SMIM36: variants seen among roughly 807,000 people sequenced by gnomAD.
SMIM36 encodes small integral membrane protein 36.
intron 4 of SMIM36, among the ~76,000 whole-genome samples, chr17:55,464,421 T>A (rs937247918): frequency 2.0e-5 from 3 of 152,162 alleles, no homozygotes; most frequent in Non-Finnish European, 2.9e-5. Flanking sequence ...GGCATGTTAA[T>A]TCCACTTGTA....
intron 1 of SMIM36, among the ~76,000 whole-genome samples, 170 bp downstream of exon 1, chr17:55,510,709 G>GCACACACA (rs10639655): frequency 6.6e-6 from 1 of 150,738 alleles, no homozygotes; most frequent in African/African-American, 2.4e-5. Flanking sequence ...ACGTGCACGT[G>GCACACACA]CACACACACA....
At chr17:55,466,177 T>C (rs1232393413) in intron 4 of SMIM36, among the ~76,000 whole-genome samples, 1 of 146,044 alleles carries the variant, frequency 6.8e-6, no homozygotes, top group Non-Finnish European at 1.5e-5. Context: ...CTAGGGAGGC[T>C]GAGGTAGGAG....
chr17:55,495,853 T>A (rs1162638914), intron 1 of SMIM36, among the ~76,000 whole-genome samples: 3 of 152,028 alleles, frequency 2.0e-5, no homozygotes, highest in Non-Finnish European at 4.4e-5. Flanking sequence ...GAATATAAAG[T>A]CTAAGAGCAG....
intron 1 of SMIM36, among the ~76,000 whole-genome samples, chr17:55,498,520 T>TCA (rs1458626819): frequency 7.9e-5 from 12 of 152,140 alleles, no homozygotes. Flanking sequence ...TTTTGAAATA[T>TCA]CACAATATGC....
exon 5 of SMIM36, chr17:55,450,171 T>A (rs1342763011): frequency 6.6e-6 from 1 of 152,154 alleles, no homozygotes; most frequent in Non-Finnish European, 1.5e-5. Flanking sequence ...AAGATTTCAG[T>A]GATGTGATCA....
the SMIM36 span, among the ~76,000 whole-genome samples, chr17:55,522,971 T>G: frequency 1.3e-5 from 2 of 152,164 alleles, no homozygotes; most frequent in East Asian, 3.9e-4. Context: ...TCTTCCAATA[T>G]TAGGAAATAA....
At chr17:55,527,218 A>C in the SMIM36 span, 1 of 152,236 alleles carries the variant, frequency 6.6e-6, no homozygotes, top group East Asian at 1.9e-4. Context: ...GAAAAGTTAT[A>C]TGGACCAATT....
chr17:55,488,323 G>A (rs919144861), intron 1 of SMIM36, among the ~76,000 whole-genome samples: 4 of 152,194 alleles, frequency 2.6e-5, no homozygotes, highest in Admixed American at 2.6e-4. Flanking sequence ...GCTGCATTAC[G>A]AAATTCTCTC....
intron 1 of SMIM36, among the ~76,000 whole-genome samples, chr17:55,485,910 T>A (rs941815122): frequency 1.3e-5 from 2 of 152,168 alleles, no homozygotes; most frequent in African/African-American, 4.8e-5. Flanking sequence ...TATATTCTTA[T>A]CCATTCTACT....
chr17:55,469,758 T>C (rs2143255957), intron 3 of SMIM36, among the ~76,000 whole-genome samples: 1 of 152,172 alleles, frequency 6.6e-6, no homozygotes, highest in South Asian at 2.1e-4. Context: ...GGTAGGCGGA[T>C]CATGAGGTCA....
At chr17:55,460,446 AC>A (rs1332606194) in intron 4 of SMIM36, among the ~76,000 whole-genome samples, 16 of 97,350 alleles carry the variant, frequency 1.6e-4, no homozygotes, top group African/African-American at 4.1e-4. Context: ...AAAACAAAAA[AC>A]AAAACAAAAA....
chr17:55,475,174 C>T (rs995128319), intron 3 of SMIM36, among the ~76,000 whole-genome samples: 1 of 152,142 alleles, frequency 6.6e-6, no homozygotes, highest in Admixed American at 6.5e-5. Flanking sequence ...CTCCTATTCA[C>T]CATTCTCAAC....
At chr17:55,502,292 C>G (rs1223324432) in intron 1 of SMIM36, among the ~76,000 whole-genome samples, 1 of 143,894 alleles carries the variant, frequency 6.9e-6, no homozygotes, top group Non-Finnish European at 1.5e-5. Context: ...AACAAAAAGA[C>G]AGCAGTAACC....
chr17:55,488,705 T>C (rs1232535666), intron 1 of SMIM36, among the ~76,000 whole-genome samples: 1 of 152,278 alleles, frequency 6.6e-6, no homozygotes, highest in Non-Finnish European at 1.5e-5. Flanking sequence ...CCAATGTTTT[T>C]TTCTTTATTC....
intron 3 of SMIM36, among the ~76,000 whole-genome samples, chr17:55,473,428 G>T (rs890552775): frequency 1.3e-5 from 2 of 152,156 alleles, no homozygotes; most frequent in African/African-American, 4.8e-5. Context: ...AAAGGCTACT[G>T]CGGTCATTTC....
chr17:55,528,544 TC>T, the SMIM36 span, among the ~76,000 whole-genome samples: 25 of 150,888 alleles, frequency 1.7e-4, no homozygotes, highest in Admixed American at 6.6e-5. Context: ...TCTTTTTTTT[TC>T]TTTTCTTTTC....
chr17:55,519,364 T>C, the SMIM36 span, among the ~76,000 whole-genome samples: 1 of 151,992 alleles, frequency 6.6e-6, no homozygotes, highest in Non-Finnish European at 1.5e-5. Context: ...ATGTGGTGTG[T>C]GGGTGGAATG....
chr17:55,501,018 T>TATAATATAATAATA (rs1412621059), intron 1 of SMIM36, among the ~76,000 whole-genome samples: 2 of 28,972 alleles, frequency 6.9e-5, no homozygotes, highest in African/African-American at 9.7e-5. Context: ...TATTATATTT[T>TATAATATAATAATA]GTAATATATA....
chr17:55,531,195 C>G, the SMIM36 span, among the ~76,000 whole-genome samples: 2 of 152,154 alleles, frequency 1.3e-5, no homozygotes, highest in South Asian at 2.1e-4. Flanking sequence ...CCAACGCTGC[C>G]TGCCTTTCCC....
Sources: allele counts gnomAD v4.1 joint callset (sites outside exome capture counted in the v4.1 genomes callset), GRCh38; gene constraint gnomAD v4.1.1; transcripts MANE v1.5; gene names NCBI Gene and HGNC (gene_info 2026-07-23, HGNC 2026-07-21).